RGS9: variants seen among roughly 807,000 people sequenced by gnomAD.
The protein encoded by RGS9 is regulator of G-protein signalling 9.
Under a neutral mutation model 102.0 loss-of-function variants are expected in RGS9, and 78 were observed. The ratio of observed to expected loss-of-function variants is 0.76; its 90% CI spans 0.64 to 0.92. The LOEUF is 0.92. Ranked by LOEUF, RGS9 falls within the 40% of genes least tolerant of loss-of-function variation. The pLI is 0.00. For missense variants in RGS9, 833 were observed against 866.1 expected (o/e 0.96, Z 0.48); for synonymous variants, 353 against 318.6 (o/e 1.11, Z -1.15).
At chr17:65,147,742 C>T (rs1279945738) in intron 1 of RGS9, among the ~76,000 whole-genome samples, 1 of 151,808 alleles carries the variant, frequency 6.6e-6, no homozygotes, top group Non-Finnish European at 1.5e-5. Flanking sequence ...AAGCATGCGC[C>T]ATCACACCCA....
At chr17:65,158,239 A>G in intron 2 of RGS9, 56 bp from the exon 3 acceptor site, 2 of 1,518,542 alleles carry the variant, frequency 1.3e-6, no homozygotes, top group Non-Finnish European at 1.8e-6. Context: ...AGCGTGGAGG[A>G]GCGGGGATGT....
At position 65,190,243 on chromosome 17, in the gene RGS9, C is replaced by T; in HGVS notation, c.746+7C>T. ...CTTCTGTGTCCCTGGGAGGGTATGT[C>T]CCTGATTTGTTGATCTTGCTAAAGT... On this transcript the variant is annotated splice_region_variant and intron_variant, in intron 11 of 18. Transcript: ENST00000262406. The T allele has an allele frequency of 1.2e-6, 2 of 1,610,190 alleles. No homozygotes were observed. The highest frequency in any genetic ancestry group is 3.3e-5 in the Admixed American group (2 of 60,014).
chr17:65,169,854 G>A (rs938425292), intron 8 of RGS9, among the ~76,000 whole-genome samples: 9 of 151,058 alleles, frequency 6.0e-5, no homozygotes, highest in East Asian at 1.9e-4. Flanking sequence ...CACCATGACC[G>A]TCATCCCACC....
At chr17:65,172,504 T>C (rs1200973478) in intron 8 of RGS9, among the ~76,000 whole-genome samples, 1 of 152,078 alleles carries the variant, frequency 6.6e-6, no homozygotes, top group East Asian at 1.9e-4. Context: ...CACATAATGT[T>C]ATATTATAAA....
chr17:65,191,165 G>A (rs1414894278), intron 11 of RGS9, among the ~76,000 whole-genome samples: 5 of 152,042 alleles, frequency 3.3e-5, no homozygotes, highest in Admixed American at 3.3e-4. Context: ...CATTCACTTT[G>A]GGTTATAATA....
chr17:65,177,634 G>A (rs1911695380), intron 8 of RGS9, 98 bp from the exon 9 acceptor site: 5 of 1,196,592 alleles, frequency 4.2e-6, no homozygotes, highest in Non-Finnish European at 6.3e-6. Context: ...GCTCTTCTCA[G>A]CTCAATCTCA....
chr17:65,158,366 C>T, intron 3 of RGS9, 21 bp downstream of exon 3: 1 of 1,611,668 alleles, frequency 6.2e-7, no homozygotes, highest in Non-Finnish European at 8.5e-7. Context: ...ATCTGGCACT[C>T]AGTTATCCGG....
intron 6 of RGS9, among the ~76,000 whole-genome samples, chr17:65,162,548 T>C (rs1384902540): frequency 1.3e-5 from 2 of 152,170 alleles, no homozygotes; most frequent in East Asian, 3.9e-4. Flanking sequence ...CTGCAAGCTC[T>C]GCCTCCCAGG....
At chr17:65,144,019 C>T (rs1439826524) in intron 1 of RGS9, among the ~76,000 whole-genome samples, 2 of 151,808 alleles carry the variant, frequency 1.3e-5, no homozygotes, top group Non-Finnish European at 2.9e-5. Flanking sequence ...GATTCCCAGG[C>T]TTTTGAATCG....
rs113389074 is a variant in RGS9, at chr17:65,174,271, G to C, written c.583-3461G>C. Among the ~76,000 whole-genome samples the C allele has an allele frequency of 1.0e-2, 1,522 of 152,352 alleles. 31 individuals are homozygous for C. The highest frequency in any genetic ancestry group is 0.034 in the African/African-American group (1,406 of 41,576). ...ACTAGATAACGAATTCAAGACTTGAGCAGATGACCACACCGAAGTCACCGA... is the reference window on the plus strand; with the variant it reads ...ACTAGATAACGAATTCAAGACTTGACCAGATGACCACACCGAAGTCACCGA... On this transcript the variant is annotated intron_variant, in intron 8 of 18. Coordinates refer to ENST00000262406, the MANE Select transcript of RGS9 (RefSeq NM_003835.4).
intron 15 of RGS9, 86 bp from the exon 16 acceptor site, chr17:65,207,836 A>C (rs756453593): frequency 3.2e-6 from 3 of 929,954 alleles, no homozygotes; most frequent in Non-Finnish European, 5.2e-6. Context: ...TCTACTGCCA[A>C]GGGAGGCTTG....
intron 17 of RGS9, among the ~76,000 whole-genome samples, chr17:65,216,275 T>A (rs1410660112): frequency 6.6e-6 from 1 of 152,218 alleles, no homozygotes; most frequent in African/African-American, 2.4e-5. Flanking sequence ...ACATTTTTTT[T>A]AAGCATTAAA....
chr17:65,144,062 G>A (rs1333801184), intron 1 of RGS9, among the ~76,000 whole-genome samples: 1 of 152,110 alleles, frequency 6.6e-6, no homozygotes, highest in Admixed American at 6.6e-5. Context: ...AAAGACTACC[G>A]AGCACTGGTT....
At chr17:65,207,883 T>C in intron 15 of RGS9, 39 bp from the exon 16 acceptor site, 4 of 1,480,928 alleles carry the variant, frequency 2.7e-6, no homozygotes, top group Non-Finnish European at 3.8e-6. Context: ...TGACTGCTTT[T>C]TTCTCTCATA....
At chr17:65,153,770 G>C (rs1458363241) in intron 2 of RGS9, among the ~76,000 whole-genome samples, 1 of 152,016 alleles carries the variant, frequency 6.6e-6, no homozygotes, top group East Asian at 1.9e-4. Flanking sequence ...GGTGCCTATA[G>C]TCCCAGCTAC....
chr17:65,185,005 G>A (rs11651081), intron 9 of RGS9, among the ~76,000 whole-genome samples: 45,725 of 151,796 alleles, frequency 0.3, 10,613 homozygotes, highest in African/African-American at 0.65. Context: ...GTAGTTGCTG[G>A]GACCACAGGC....
intron 9 of RGS9, among the ~76,000 whole-genome samples, chr17:65,181,263 G>A (rs142106201): frequency 6.6e-6 from 1 of 152,204 alleles, no homozygotes; most frequent in East Asian, 1.9e-4. Flanking sequence ...ATTCCCACCA[G>A]AAGCATATAA....
intron 12 of RGS9, among the ~76,000 whole-genome samples, chr17:65,196,924 T>G (rs1435453600): frequency 6.6e-6 from 1 of 152,214 alleles, no homozygotes; most frequent in East Asian, 1.9e-4. Context: ...GATGGTCATG[T>G]CTTTGATGTG....
At position 65,146,983 on chromosome 17, in the gene RGS9, C is replaced by T. The variant is rs1344921431; in HGVS notation, c.58-6439C>T. ...GTGGAGAACTCCAGAAGGAGTCACT[C>T]CTGCAGCCTGTTGCCTCCTCAGTTC... On this transcript the variant is annotated intron_variant, in intron 1 of 18. Transcript: ENST00000262406. 2.0e-5 allele frequency among the ~76,000 whole-genome samples: 3 copies of T among 152,274 alleles called. No individual in the cohort carries two copies. In the East Asian group the frequency reaches 5.8e-4, roughly 29 times the overall value.
Sources: gnomAD v4.1 joint callset for allele counts (sites outside exome capture counted in the v4.1 genomes callset) on GRCh38, gnomAD v4.1.1 for gene constraint, MANE v1.5 for transcripts, NCBI Gene and HGNC (gene_info 2026-07-23, HGNC 2026-07-21) for gene names.